The following SPIDR variants were observed in gnomAD, a reference collection of about 807,000 sequenced individuals.
SPIDR encodes DNA repair-scaffolding protein.
In SPIDR, 93 loss-of-function variants were observed where a neutral mutation model predicts 104.6. The observed-to-expected ratio is 0.89, with a 90% CI of 0.75 to 1.06. The LOEUF is 1.06. Ranked by LOEUF, SPIDR falls within the 50% of genes least tolerant of loss-of-function variation. The pLI, the probability that SPIDR is intolerant of heterozygous loss-of-function variation, is 0.00. For synonymous variants in SPIDR, 431 were observed against 416.9 expected (o/e 1.03, Z -0.41); for missense variants, 1,154 against 1,111.2 (o/e 1.04, Z -0.55).
chr8:47,728,012 G>C (rs2084560422), intron 17 of SPIDR, among the ~76,000 whole-genome samples: 1 of 152,114 alleles, frequency 6.6e-6, no homozygotes, highest in South Asian at 2.1e-4. Flanking sequence ...AGCTGCTTGG[G>C]AGGCTGAGGC....
rs1439459832 is a variant in SPIDR at position 47,589,908 on chromosome 8, C to T, written c.1098-5903C>T. 2.0e-5 allele frequency among the ~76,000 whole-genome samples: 3 copies of T among 152,050 alleles called. No individual in the cohort carries two copies. The East Asian group carries it at 5.8e-4, about 29-fold the overall frequency. ...TCCAGCTGGGTACGGTGACTCACCC[C>T]TGTAATCCCAGCACTTTGAGAGGCT... On this transcript the variant is annotated intron_variant, in intron 8 of 19. Transcript: ENST00000297423.
intron 5 of SPIDR, among the ~76,000 whole-genome samples, chr8:47,300,698 G>A (rs1251779090): frequency 3.9e-5 from 6 of 152,058 alleles, no homozygotes; most frequent in African/African-American, 7.2e-5. Flanking sequence ...CCTTCATTTC[G>A]TTATGTACCC....
At chr8:47,305,563 A>C (rs981255927) in intron 5 of SPIDR, among the ~76,000 whole-genome samples, 1 of 152,224 alleles carries the variant, frequency 6.6e-6, no homozygotes, top group Non-Finnish European at 1.5e-5. Flanking sequence ...ATTTTGTACT[A>C]CATGGGAGTG....
intron 7 of SPIDR, among the ~76,000 whole-genome samples, chr8:47,434,214 C>G (rs1183590707): frequency 2.6e-5 from 4 of 152,102 alleles, no homozygotes; most frequent in African/African-American, 9.7e-5. Flanking sequence ...AGACAGAGGT[C>G]CTGTCCACAT....
intron 8 of SPIDR, among the ~76,000 whole-genome samples, chr8:47,561,335 A>G (rs1006075335): frequency 7.9e-5 from 12 of 152,162 alleles, no homozygotes; most frequent in African/African-American, 2.9e-4. Context: ...CTGATTTAAC[A>G]TTTAATCCCA....
intron 8 of SPIDR, among the ~76,000 whole-genome samples, chr8:47,538,858 T>C (rs1216913351): frequency 9.1e-6 from 1 of 110,226 alleles, no homozygotes; most frequent in Admixed American, 8.9e-5. Flanking sequence ...TTTTCTTTTC[T>C]TTTTTTTTTT....
chr8:47,361,025 C>T, intron 5 of SPIDR: 1 of 957,512 alleles, frequency 1.0e-6, no homozygotes, highest in Non-Finnish European at 1.2e-6. Context: ...ATAAGTGATG[C>T]TGATAAAAGT....
intron 1 of SPIDR, among the ~76,000 whole-genome samples, chr8:47,272,099 C>G (rs2035448476): frequency 6.6e-6 from 1 of 152,104 alleles, no homozygotes; most frequent in South Asian, 2.1e-4. Context: ...TCCTGAGTAG[C>G]TGGGATTACA....
rs559121016 is a variant in SPIDR at position 47,529,498 on chromosome 8, A to C, written c.1098-66313A>C. Among the ~76,000 whole-genome samples, 8 of 152,230 alleles carry C rather than the reference A, an allele frequency of 5.3e-5. No homozygotes were observed. The East Asian group carries it at 1.5e-3, about 29-fold the overall frequency. On this transcript the variant is annotated intron_variant, in intron 8 of 19. Coordinates refer to ENST00000297423, the MANE Select transcript of SPIDR (RefSeq NM_001080394.4). Reference sequence around the variant, plus strand: ...AGTTAGAATCCTATATCTAGCAAAAATATCCTTCAATGGTGACAAAAAAAT... The same window carrying C: ...AGTTAGAATCCTATATCTAGCAAAACTATCCTTCAATGGTGACAAAAAAAT...
intron 10 of SPIDR, among the ~76,000 whole-genome samples, chr8:47,603,376 A>C (rs879644365): frequency 1.3e-5 from 2 of 151,928 alleles, no homozygotes; most frequent in Admixed American, 6.6e-5. Flanking sequence ...GAGATATTTA[A>C]CCTAGGGACC....
chr8:47,548,500 T>C (rs1000338637), intron 8 of SPIDR, among the ~76,000 whole-genome samples: 2 of 152,076 alleles, frequency 1.3e-5, no homozygotes, highest in Admixed American at 6.5e-5. Context: ...ATACAAAAAT[T>C]AGCTAGGTGT....
chr8:47,464,235 T>A lies in SPIDR; in HGVS notation c.1097+23693T>A, dbSNP rs1452508887. ...TTAGTTGGATTTTTATCAATAGCAG[T>A]GCATAATCTAAAAAATGAATTTAAG... On this transcript the variant is annotated intron_variant, in intron 8 of 19. Coordinates refer to ENST00000297423, the MANE Select transcript of SPIDR (RefSeq NM_001080394.4). 3.3e-5 allele frequency among the ~76,000 whole-genome samples: 5 copies of A among 152,160 alleles called. No individual in the cohort carries two copies. The East Asian group carries it at 9.7e-4, about 29-fold the overall frequency.
intron 5 of SPIDR, among the ~76,000 whole-genome samples, chr8:47,352,802 G>T (rs1167117635): frequency 1.3e-5 from 2 of 151,972 alleles, no homozygotes; most frequent in Admixed American, 1.3e-4. Flanking sequence ...GGTGGCTCAC[G>T]CCTGTAATCT....
chr8:47,460,414 A>AT (rs200286558), intron 8 of SPIDR, among the ~76,000 whole-genome samples: 2,783 of 151,782 alleles, frequency 0.018, 84 homozygotes, highest in African/African-American at 0.064. Flanking sequence ...GGTTTTTGCT[A>AT]TTTTTTTCTG....
At chr8:47,306,994 T>TTGAATCC (rs2154251737) in intron 5 of SPIDR, among the ~76,000 whole-genome samples, 1 of 152,352 alleles carries the variant, frequency 6.6e-6, no homozygotes, top group South Asian at 2.1e-4. Flanking sequence ...GTAAGTCTAG[T>TTGAATCC]ATAGGCAACA....
At chr8:47,331,965 C>CTTTTTTTTTTTTTTTTTTTTTTTTTTTTT (rs1183447584) in intron 5 of SPIDR, among the ~76,000 whole-genome samples, 7 of 32,710 alleles carry the variant, frequency 2.1e-4, no homozygotes, top group Non-Finnish European at 4.0e-4. Context: ...TTTTTTTAAA[C>CTTTTTTTTTTTTTTTTTTTTTTTTTTTTT]TTTTTTTTTT....
chr8:47,464,951 A>G (rs1554716093), intron 8 of SPIDR, among the ~76,000 whole-genome samples: 1 of 151,858 alleles, frequency 6.6e-6, no homozygotes, highest in African/African-American at 2.4e-5. Flanking sequence ...GTATTTTTAG[A>G]TGACGTTTCA....
At chr8:47,261,766 C>T (rs972828353) in intron 1 of SPIDR, among the ~76,000 whole-genome samples, 1 of 152,196 alleles carries the variant, frequency 6.6e-6, no homozygotes, top group Non-Finnish European at 1.5e-5. Flanking sequence ...CATGCTTTCT[C>T]GCTTCTCAAA....
intron 10 of SPIDR, among the ~76,000 whole-genome samples, chr8:47,646,580 G>T (rs1343096770): frequency 6.6e-6 from 1 of 152,134 alleles, no homozygotes; most frequent in Non-Finnish European, 1.5e-5. Flanking sequence ...CTCTCTATAT[G>T]GCTACAAGAA....
Sources: gnomAD v4.1 joint callset for allele counts (sites outside exome capture counted in the v4.1 genomes callset) on GRCh38, gnomAD v4.1.1 for gene constraint, MANE v1.5 for transcripts, NCBI Gene and HGNC (gene_info 2026-07-23, HGNC 2026-07-21) for gene names.